Variants in APOL4 observed in about 807,000 individuals in gnomAD.
APOL4 encodes the protein apolipoprotein L, 4.
A neutral mutation model predicts 12.1 loss-of-function variants in APOL4; 14 were observed. The observed-to-expected ratio is 1.16, with a 90% CI of 0.76 to 1.81. APOL4 has a LOEUF of 1.81. APOL4 is among the 40% of genes most tolerant of loss of function. The pLI, the probability that APOL4 is intolerant of heterozygous loss-of-function variation, is 0.00. For synonymous variants in APOL4, 171 were observed against 160.6 expected (o/e 1.06, Z -0.49); for missense variants, 432 against 423.1 (o/e 1.02, Z -0.18).
At chr22:36,201,309 G>A (rs528014049) in intron 1 of APOL4, among the ~76,000 whole-genome samples, 394 of 149,618 alleles carry the variant, frequency 2.6e-3, no homozygotes, top group African/African-American at 9.3e-3. Context: ...AGTGGTTCCC[G>A]GGCCCCCTGA....
upstream of APOL4, among the ~76,000 whole-genome samples, chr22:36,203,950 C>T (rs1419751054): frequency 6.6e-6 from 1 of 152,200 alleles, no homozygotes; most frequent in Non-Finnish European, 1.5e-5. Context: ...CACAGCACAG[C>T]CTGTTTCTTC....
intron 1 of APOL4, 148 bp from the exon 2 acceptor site, chr22:36,199,524 T>G (rs1569531450): frequency 6.3e-7 from 1 of 1,599,608 alleles, no homozygotes. Flanking sequence ...TATCACCAAG[T>G]CCCCATCATC....
chr22:36,199,228 C>T, intron 2 of APOL4, 102 bp downstream of exon 2: 2 of 1,505,078 alleles, frequency 1.3e-6, no homozygotes, highest in Non-Finnish European at 1.8e-6. Context: ...CGTTGGGGCT[C>T]ACTCAGCCTT....
upstream of APOL4, among the ~76,000 whole-genome samples, chr22:36,204,130 T>G (rs1010967812): frequency 6.6e-6 from 1 of 152,216 alleles, no homozygotes; most frequent in African/African-American, 2.4e-5. Context: ...AGACTCAGGG[T>G]GGGTGAGATG....
intron 2 of APOL4, among the ~76,000 whole-genome samples, chr22:36,198,362 A>G (rs1195597603): frequency 6.6e-6 from 1 of 152,244 alleles, no homozygotes; most frequent in Non-Finnish European, 1.5e-5. Flanking sequence ...TTGCACTTCC[A>G]TATTCACCCG....
upstream of APOL4, chr22:36,204,667 C>T: frequency 1.3e-6 from 1 of 770,738 alleles, no homozygotes; most frequent in Non-Finnish European, 1.9e-6. Context: ...CAAGATCCAG[C>T]TGGTCTGAGC....
chr22:36,191,382 A>C lies in APOL4; in HGVS notation c.740T>G (p.Leu247Arg), dbSNP rs778255247. Residue 247 changes from leucine (L) to arginine (R), a missense_variant, in exon 4 of 4, where the codon CTC becomes CGC. Coordinates refer to ENST00000683024, the MANE Select transcript of APOL4 (RefSeq NM_001386885.1). ...TCCAACAGTGGCTTTAGATCTCCTG[A>C]GTGTATGGACATCATTCGCAATCAT... ...TKMIANDVHT[L>R]RRSKATVGRP... 1.2e-6 allele frequency: 2 copies of C among 1,614,048 alleles called. No individual in the cohort carries two copies. The highest frequency in any genetic ancestry group is 1.7e-6 in the Non-Finnish European group (2 of 1,179,902).
In APOL4 at chr22:36,191,080, C is replaced by T. The variant is rs750351065; in HGVS notation, c.1042G>A (p.Gly348Ser). ...ACTTCCCGCAACAATTGGGCCTAGC[C>T]TGCTTTTAGACTCTGATGGATATGG... ...LTHIHQSLKA[G>S] The change falls in exon 4 of 4, where the codon GGC (glycine) becomes AGC (serine). Residue 348 changes from glycine to serine, a missense_variant. Coordinates refer to ENST00000683024, the MANE Select transcript of APOL4 (RefSeq NM_001386885.1). 6.3e-7 allele frequency: 1 copy of T among 1,596,170 alleles called. No homozygotes were observed. The highest frequency in any genetic ancestry group is 8.5e-7 in the Non-Finnish European group (1 of 1,170,400).
intron 3 of APOL4, among the ~76,000 whole-genome samples, chr22:36,193,387 T>C (rs2014316665): frequency 6.6e-6 from 1 of 152,228 alleles, no homozygotes; most frequent in Non-Finnish European, 1.5e-5. Context: ...TGAGCTTCCC[T>C]GGTTGGCAAC....
At chr22:36,194,193 G>T (rs750958126) in intron 3 of APOL4, among the ~76,000 whole-genome samples, 3 of 152,216 alleles carry the variant, frequency 2.0e-5, no homozygotes, top group African/African-American at 7.2e-5. Context: ...AAGAAACATT[G>T]CCTCTACTCT....
chr22:36,198,139 G>A (rs900720823), intron 2 of APOL4, among the ~76,000 whole-genome samples: 6 of 152,282 alleles, frequency 3.9e-5, no homozygotes, highest in Middle Eastern at 3.4e-3. Context: ...CTGAGCCTGC[G>A]CTTCTGCTTT....
At chr22:36,200,167 G>T (rs2014530309) in intron 1 of APOL4, among the ~76,000 whole-genome samples, 1 of 152,172 alleles carries the variant, frequency 6.6e-6, no homozygotes. Flanking sequence ...CCCGGGAGAT[G>T]GGTACCACTT....
chr22:36,194,861 G>T (rs763436239), intron 3 of APOL4, among the ~76,000 whole-genome samples: 37 of 152,328 alleles, frequency 2.4e-4, no homozygotes, highest in Admixed American at 1.2e-3. Context: ...CCCAAAGAAA[G>T]TCCTGCTGGG....
At chr22:36,196,753 C>T (rs910056311) in intron 2 of APOL4, among the ~76,000 whole-genome samples, 1 of 152,154 alleles carries the variant, frequency 6.6e-6, no homozygotes, top group Non-Finnish European at 1.5e-5. Context: ...ACCCAGACAG[C>T]GAGAGACACC....
chr22:36,199,089 G>C (rs908059295), intron 2 of APOL4, among the ~76,000 whole-genome samples: 31 of 152,312 alleles, frequency 2.0e-4, no homozygotes, highest in African/African-American at 7.0e-4. Flanking sequence ...GGAGGAAGTG[G>C]GCACCTGGGC....
chr22:36,197,151 G>C (rs132708), intron 2 of APOL4, among the ~76,000 whole-genome samples: 123,695 of 152,158 alleles, frequency 0.81, 50,457 homozygotes, highest in East Asian at 0.93. Context: ...TTCCTTGGCC[G>C]CCCAGCCCAG....
intron 1 of APOL4, among the ~76,000 whole-genome samples, chr22:36,201,095 G>A (rs132721): frequency 0.54 from 79,876 of 147,324 alleles, 24,219 homozygotes; most frequent in East Asian, 0.89. Context: ...AGGTGGAGAG[G>A]AGAGATAGAG....
chr22:36,191,210 G>T lies in APOL4; in HGVS notation c.912C>A (p.Asn304Lys). The change falls in exon 4 of 4, where the codon AAC becomes AAA. Residue 304 changes from asparagine (N) to lysine (K), a missense_variant. Coordinates refer to ENST00000683024, the MANE Select transcript of APOL4 (RefSeq NM_001386885.1). ...GCAAGTCCAGTGAGTCTTGCACAAG[G>T]TTGACTACATCCAGCACAACAAGGA... ...SGVLVVLDVVNLVQDSLDLHK... is the reference protein window; with the variant it reads ...SGVLVVLDVVKLVQDSLDLHK... 6.2e-7 allele frequency: 1 copy of T among 1,613,972 alleles called. No individual in the cohort carries two copies. Among genetic ancestry groups the T allele is most frequent in the Non-Finnish European group, 8.5e-7 (1 of 1,179,882 alleles).
Position 36,195,296 on chromosome 22 carries a change from C to A in APOL4, c.209+15G>T, listed in dbSNP as rs748881767. 8 of 1,612,710 alleles carry A rather than the reference C, an allele frequency of 5.0e-6. No homozygotes were observed. Among genetic ancestry groups the A allele is most frequent in the African/African-American group, 1.3e-5 (1 of 75,012 alleles). On this transcript the variant is annotated intron_variant, in intron 3 of 3. Transcript: ENST00000683024. ...TCACCGGGGTGCCCCAAGGAGGTAA[C>A]CCCATGGAGGTTACCTGGGCAATTC...
Sources: gnomAD v4.1 joint callset for allele counts (sites outside exome capture counted in the v4.1 genomes callset) on GRCh38, gnomAD v4.1.1 for gene constraint, MANE v1.5 for transcripts, NCBI Gene and HGNC (gene_info 2026-07-23, HGNC 2026-07-21) for gene names.